Variants in MGAM observed in about 807,000 individuals in gnomAD.
MGAM encodes alpha-1,4-glucosidase.
Under a neutral mutation model 358.8 loss-of-function variants are expected in MGAM, and 253 were observed. The observed-to-expected ratio is 0.71, with a 90% CI of 0.64 to 0.78. MGAM has a LOEUF of 0.78. Ranked by LOEUF, MGAM falls within the 30% of genes least tolerant of loss-of-function variation. The pLI is 0.00. For synonymous variants in MGAM, 1,105 were observed against 1,227.1 expected (o/e 0.90, Z 2.08); for missense variants, 3,080 against 3,432.6 (o/e 0.90, Z 2.57).
In MGAM at chr7:142,097,631, C is replaced by T. The variant is rs1436206405; in HGVS notation, c.7731C>T (p.Arg2577=). 3.1e-6 allele frequency: 5 copies of T among 1,610,956 alleles called. No individual in the cohort carries two copies. In the South Asian group the frequency reaches 5.5e-5, roughly 18 times the overall value. ...TCACTGCATATTTCCCTAGAGCCCG[C>T]TGGTATGATTACTACACGGTAAGTT... The part of the protein sequence containing the change: ...RNVTAYFPRA[R]WYDYYTGVDI... Residue 2577 remains arginine, a synonymous_variant, in exon 66 of 71, where the codon CGC becomes CGT. Transcript: ENST00000475668.
chr7:141,992,779 C>G (rs567459872), upstream of MGAM, among the ~76,000 whole-genome samples: 5 of 152,138 alleles, frequency 3.3e-5, no homozygotes, highest in Middle Eastern at 0.014. Flanking sequence ...GACATGTTCT[C>G]CTTATGTTGC....
chr7:142,058,374 G>A (rs746205135), intron 31 of MGAM, 46 bp downstream of exon 31: 3 of 1,610,552 alleles, frequency 1.9e-6, no homozygotes, highest in Non-Finnish European at 2.5e-6. Flanking sequence ...TAACCCAGGT[G>A]CCTCTGTGTC....
rs764397440 is a variant in MGAM, at chr7:142,055,604, C to T, written c.3361C>T (p.Arg1121Cys). 1.7e-5 allele frequency: 28 copies of T among 1,613,744 alleles called. No homozygotes were observed. The highest frequency in any genetic ancestry group is 4.5e-5 in the East Asian group (2 of 44,886). The stretch of plus-strand genomic sequence containing the variant: ...CTTTACCTTCAGTGACATGTTTATC[C>T]GCATCTCCACCCGCCTTCCCTCCAA... Reference protein sequence around the residue: ...LGFTFSDMFIRISTRLPSKYL... With the variant: ...LGFTFSDMFICISTRLPSKYL... The change falls in exon 28 of 71, where the codon CGC (arginine) becomes TGC (cysteine). Residue 1121 changes from arginine (R) to cysteine (C), a missense_variant. This residue lies in a region of MGAM where 1,816 missense variants were observed against 1,840.5 expected (regional missense o/e 0.99). Coordinates refer to ENST00000475668, the MANE Select transcript of MGAM (RefSeq NM_001365693.1).
chr7:142,065,470 T>C lies in MGAM; in HGVS notation c.4618+2T>C. ...ATCAGCTGAAGAAGTCTATCATTGG[T>C]GCGTGGGTCCTTCCCCAGGGCCTTT... On this transcript the variant is annotated splice_donor_variant, in intron 38 of 70. Coordinates refer to ENST00000475668, the MANE Select transcript of MGAM (RefSeq NM_001365693.1). LOFTEE classifies it high-confidence loss of function. The C allele has an allele frequency of 6.2e-7, 1 of 1,610,082 alleles. No individual in the cohort carries two copies. The highest frequency in any genetic ancestry group is 8.5e-7 in the Non-Finnish European group (1 of 1,178,960).
At position 142,073,271 on chromosome 7, in the gene MGAM, A is replaced by G. The variant is rs573364246; in HGVS notation, c.5187-814A>G. The stretch of plus-strand genomic sequence containing the variant: ...CCTAGAAATGACTGCTACTCAATAC[A>G]TGAATATTTAAAGAAAGCAGATGAT... On this transcript the variant is annotated intron_variant, in intron 44 of 70. Transcript: ENST00000475668. Among the ~76,000 whole-genome samples the G allele has an allele frequency of 6.8e-5, 10 of 146,442 alleles. 1 individual carries two copies. The highest frequency in any genetic ancestry group is 2.1e-4 in the Admixed American group (3 of 14,544).
rs772041393 is a variant in MGAM at position 142,059,938 on chromosome 7, C to T, written c.4031C>T (p.Pro1344Leu). Residue 1344 changes from proline to leucine, a missense_variant, in exon 33 of 71, where the codon CCA becomes CTA. Pro to Leu is a moderately conservative substitution (Grantham distance 98). Around this residue, in one of 5 missense-constraint regions of MGAM, gnomAD observed 1,816 missense variants for 1,840.5 expected, o/e 0.99. Coordinates refer to ENST00000475668, the MANE Select transcript of MGAM (RefSeq NM_001365693.1). ...GVEDDVFIKY[P>L]NDGDIVWGKV... ...GAGGATGACGTCTTCATCAAATACC[C>T]AAATGATGGAGACATTGTCTGGGGA... 16 of 1,608,684 alleles carry T rather than the reference C, an allele frequency of 9.9e-6. No individual in the cohort carries two copies. Among genetic ancestry groups the T allele is most frequent in the South Asian group, 1.1e-5 (1 of 89,692 alleles).
At chr7:142,057,614 C>T (rs1389496367) in intron 30 of MGAM, among the ~76,000 whole-genome samples, 3 of 124,144 alleles carry the variant, frequency 2.4e-5, no homozygotes, top group Non-Finnish European at 3.4e-5. Flanking sequence ...GGTGGGGGCA[C>T]GATCGTGGTA....
chr7:142,045,633 A>T (rs1466156025), intron 21 of MGAM, among the ~76,000 whole-genome samples: 1 of 106,892 alleles, frequency 9.4e-6, no homozygotes, highest in Non-Finnish European at 1.7e-5. Context: ...ACAATATATG[A>T]ATATATAATA....
intron 2 of MGAM, among the ~76,000 whole-genome samples, chr7:141,989,009 AAATT>A (rs2128968899): frequency 6.6e-6 from 1 of 152,282 alleles, no homozygotes; most frequent in African/African-American, 2.4e-5. Context: ...ACAGAGGTAA[AAATT>A]AATGTTTGTA....
At chr7:142,098,498 C>G (rs1816148292) in intron 66 of MGAM, among the ~76,000 whole-genome samples, 1 of 152,130 alleles carries the variant, frequency 6.6e-6, no homozygotes, top group Non-Finnish European at 1.5e-5. Context: ...TGGCCCCTTT[C>G]ATCCAAGGGG....
chr7:142,029,177 C>T (rs782536477), intron 10 of MGAM, among the ~76,000 whole-genome samples: 10 of 151,970 alleles, frequency 6.6e-5, no homozygotes, highest in South Asian at 2.1e-4. Flanking sequence ...AGTGAAACCC[C>T]GTCTCTACTA....
intron 64 of MGAM, chr7:142,096,109 A>G (rs1417916410): frequency 3.2e-6 from 2 of 615,754 alleles, no homozygotes; most frequent in South Asian, 2.0e-5. Flanking sequence ...AGTATTTTAC[A>G]AGAGAGAATA....
In MGAM at chr7:142,050,224, C is replaced by G. The variant is rs1430501307; in HGVS notation, c.2588-11C>G. 22 of 1,613,678 alleles carry G rather than the reference C, an allele frequency of 1.4e-5. No homozygotes were observed. The highest frequency in any genetic ancestry group is 2.2e-5 in the South Asian group (2 of 91,078). On this transcript the variant is annotated splice_polypyrimidine_tract_variant and intron_variant, in intron 22 of 70. Coordinates refer to ENST00000475668, the MANE Select transcript of MGAM (RefSeq NM_001365693.1). ...AGGCCAGAATCTGACTTGTCTTTCTCTCACTTTCAGATACTGTGGCCAATA... is the reference window on the plus strand; with the variant it reads ...AGGCCAGAATCTGACTTGTCTTTCTGTCACTTTCAGATACTGTGGCCAATA...
intron 3 of MGAM, among the ~76,000 whole-genome samples, chr7:142,014,625 A>C (rs1805830177): frequency 6.6e-6 from 1 of 152,094 alleles, no homozygotes; most frequent in Non-Finnish European, 1.5e-5. Context: ...TCCTCTTTAG[A>C]AGTAACCACA....
chr7:142,070,034 A>G (rs905495901), intron 43 of MGAM, among the ~76,000 whole-genome samples: 1 of 144,570 alleles, frequency 6.9e-6, no homozygotes, highest in African/African-American at 2.4e-5. Context: ...TCTATGAAAA[A>G]TAAAAACAAT....
At chr7:142,078,707 G>T in intron 48 of MGAM, 101 bp from the exon 49 acceptor site, 2 of 1,219,150 alleles carry the variant, frequency 1.6e-6, no homozygotes, top group Non-Finnish European at 2.3e-6. Context: ...GTGATAGGCT[G>T]GTTTTATTGT....
chr7:142,093,490 C>T lies in MGAM; in HGVS notation c.7112C>T (p.Pro2371Leu), dbSNP rs113045593. 2.6e-3 allele frequency: 3,959 copies of T among 1,517,074 alleles called. 212 individuals carry two copies. In the African/African-American group the frequency reaches 0.044, roughly 17 times the overall value. The allele number at this position is 1,517,074 out of a possible 1,614,324, so 94.0% of individuals were successfully genotyped here. Residue 2371 changes from proline (P) to leucine (L), a missense_variant, in exon 60 of 71, where the codon CCG (proline) becomes CTG (leucine). Physicochemically the swap from Pro to Leu is moderately conservative, Grantham distance 98. Coordinates refer to ENST00000475668, the MANE Select transcript of MGAM (RefSeq NM_001365693.1). ...ESQQILPDGS[P>L]VQHYNVHNLY... ...CAGCAGATCCTCCCAGACGGCTCCC[C>T]GGTGCAGCACTACAATGTGCACAAC... is the stretch of plus-strand genomic sequence containing the variant.
At chr7:142,067,987 T>TATATATA (rs1491516915) in intron 42 of MGAM, among the ~76,000 whole-genome samples, 2 of 6,686 alleles carry the variant, frequency 3.0e-4, no homozygotes, top group African/African-American at 5.4e-4. Context: ...TATATATATA[T>TATATATA]TTTTTTTTTT....
rs79690278 is a variant in MGAM, at chr7:142,048,625, C to A, written c.2587+752C>A. Among the ~76,000 whole-genome samples, 42 of 148,628 alleles carry A rather than the reference C, an allele frequency of 2.8e-4. No homozygotes were observed. In the East Asian group the frequency reaches 6.0e-3, roughly 21 times the overall value. ...ATACTTTTTAGCATATTTGTGGATCCAGTATACTAACAATTCCTGTGCTTC... is the reference window on the plus strand; with the variant it reads ...ATACTTTTTAGCATATTTGTGGATCAAGTATACTAACAATTCCTGTGCTTC... On this transcript the variant is annotated intron_variant, in intron 22 of 70. Coordinates refer to ENST00000475668, the MANE Select transcript of MGAM (RefSeq NM_001365693.1).
Sources: gnomAD v4.1 joint callset for allele counts (sites outside exome capture counted in the v4.1 genomes callset) on GRCh38, gnomAD v4.1.1 for gene constraint, gnomAD v4.1.1 regional missense constraint, MANE v1.5 for transcripts, NCBI Gene and HGNC (gene_info 2026-07-23, HGNC 2026-07-21) for gene names.